TTC21B: variants seen among roughly 807,000 people sequenced by gnomAD.
TTC21B encodes tetratricopeptide repeat protein 21B.
A neutral mutation model predicts 175.1 loss-of-function variants in TTC21B; 127 were observed. That is an observed-to-expected ratio of 0.73 (90% confidence interval 0.63 to 0.84). TTC21B has a LOEUF of 0.84. Ranked by LOEUF, TTC21B falls within the 40% of genes least tolerant of loss-of-function variation. The pLI is 0.00. For missense variants in TTC21B, 1,561 were observed against 1,558.3 expected (o/e 1.00, Z -0.03); for synonymous variants, 524 against 524.5 (o/e 1.00, Z 0.01).
intron 19 of TTC21B, among the ~76,000 whole-genome samples, chr2:165,905,364 A>G (rs1203317055): frequency 6.6e-6 from 1 of 152,102 alleles, no homozygotes. Flanking sequence ...ATGTTAAAAA[A>G]ACTATAATAG....
intron 14 of TTC21B, among the ~76,000 whole-genome samples, chr2:165,916,067 A>G (rs1208222590): frequency 2.0e-5 from 3 of 152,156 alleles, no homozygotes; most frequent in Admixed American, 6.5e-5. Flanking sequence ...TGGATCACTT[A>G]AGCCCAGTAG....
chr2:165,914,698 T>TGTGTGTGTGTGTGTGTGTGTGTGTC (rs71031214), intron 15 of TTC21B, among the ~76,000 whole-genome samples: 1 of 132,376 alleles, frequency 7.6e-6, no homozygotes, highest in African/African-American at 3.1e-5. Context: ...TGTGTGTGTG[T>TGTGTGTGTGTGTGTGTGTGTGTGTC]TGTGTATCCC....
Position 165,883,909 on chromosome 2 carries a change from G to A in TTC21B, c.3569C>T (p.Ala1190Val). The change falls in exon 26 of 29, where the codon GCT becomes GTT. Residue 1190 changes from alanine to valine, a missense_variant. By Grantham distance (64) the Ala-to-Val change is moderately conservative. Transcript: ENST00000243344. ...CTTCTCAAACTCTTCAGCATCAATA[G>A]CATTCCAATTCATTTTCGCAATACG... ...LKRIAKMNWN[A>V]IDAEEFEKSW... 2 of 1,614,068 alleles carry A rather than the reference G, an allele frequency of 1.2e-6. No individual in the cohort carries two copies. The highest frequency in any genetic ancestry group is 1.7e-6 in the Non-Finnish European group (2 of 1,179,976).
In TTC21B at chr2:165,899,864, G is replaced by A. The variant is rs777028906; in HGVS notation, c.2774C>T (p.Ala925Val). The part of the protein sequence containing the change: ...ETDNKIMLEL[A>V]RLYLAQDDPD... ...GTCATCTTGTGCCAGGTATAATCGT[G>A]CCAGTTCCAACATAATCTGTAGAGC... The change falls in exon 21 of 29, where the codon GCA (alanine) becomes GTA (valine). Residue 925 changes from alanine (A) to valine (V), a missense_variant. Physicochemically the swap from Ala to Val is moderately conservative, Grantham distance 64. Transcript: ENST00000243344. The A allele has an allele frequency of 9.3e-6, 15 of 1,612,214 alleles. No individual in the cohort carries two copies. In the South Asian group the frequency reaches 1.5e-4, roughly 17 times the overall value.
At chr2:165,953,288 T>C (rs1034507927) in intron 1 of TTC21B, among the ~76,000 whole-genome samples, 4 of 152,230 alleles carry the variant, frequency 2.6e-5, no homozygotes, top group African/African-American at 7.2e-5. Context: ...GGGTTTCATA[T>C]AATCTTTCTG....
At chr2:165,940,102 T>C (rs191325038) in intron 6 of TTC21B, among the ~76,000 whole-genome samples, 9 of 152,302 alleles carry the variant, frequency 5.9e-5, no homozygotes, top group Admixed American at 1.3e-4. Context: ...CCAAAAACCT[T>C]GGAATCACCT....
At chr2:165,921,788 CTT>C (rs569807955) in intron 12 of TTC21B, among the ~76,000 whole-genome samples, 69 of 128,920 alleles carry the variant, frequency 5.4e-4, no homozygotes, top group Admixed American at 5.4e-4. Context: ...GCTGCTCTTC[CTT>C]TTTTTTTTTT....
At chr2:165,906,870 G>A (rs188250073) in intron 19 of TTC21B, among the ~76,000 whole-genome samples, 127 of 147,640 alleles carry the variant, frequency 8.6e-4, no homozygotes, top group African/African-American at 2.9e-3. Context: ...CAACAGAATC[G>A]CTTCAACCTG....
Position 165,873,695 on chromosome 2 carries a change from G to A in TTC21B, c.*1060C>T, listed in dbSNP as rs1217489369. 6.6e-6 allele frequency: 1 copy of A among 152,040 alleles called. No individual in the cohort carries two copies. The highest frequency in any genetic ancestry group is 2.4e-5 in the African/African-American group (1 of 41,404). The allele number at this position is 152,040 out of a possible 1,614,324, so 9.4% of individuals were successfully genotyped here. Reference sequence around the variant, plus strand: ...GGCTAAGGTTAAATATCCCTAATAAGGGACCTATTTAAATTGAGGTTTCAG... The same window carrying A: ...GGCTAAGGTTAAATATCCCTAATAAAGGACCTATTTAAATTGAGGTTTCAG... On this transcript the variant is annotated 3_prime_UTR_variant, in exon 29 of 29. Transcript: ENST00000243344.
intron 3 of TTC21B, chr2:165,949,135 A>T: frequency 2.1e-6 from 1 of 466,096 alleles, no homozygotes; most frequent in South Asian, 2.5e-5. Flanking sequence ...ACTAATATAC[A>T]TTCCCTTTTA....
chr2:165,877,117 G>T (rs900628201), intron 27 of TTC21B, among the ~76,000 whole-genome samples: 2 of 152,122 alleles, frequency 1.3e-5, no homozygotes, highest in Admixed American at 6.5e-5. Context: ...GACAAGAAAA[G>T]TAACAGCAGC....
chr2:165,880,856 G>C, intron 26 of TTC21B, 57 bp from the exon 27 acceptor site: 2 of 1,560,464 alleles, frequency 1.3e-6, no homozygotes, highest in Non-Finnish European at 1.8e-6. Context: ...AGATTTTATG[G>C]GATGTTTGTG....
At chr2:165,903,697 A>T (rs1001784338) in intron 19 of TTC21B, among the ~76,000 whole-genome samples, 4 of 152,244 alleles carry the variant, frequency 2.6e-5, no homozygotes, top group Admixed American at 6.5e-5. Context: ...CTAAGACTTG[A>T]GATTTCCCTA....
At chr2:165,915,553 T>G in intron 14 of TTC21B, 114 bp from the exon 15 acceptor site, 1 of 955,774 alleles carries the variant, frequency 1.0e-6, no homozygotes, top group Non-Finnish European at 1.6e-6. Flanking sequence ...TTATAATATT[T>G]ACGAAATAAA....
intron 28 of TTC21B, among the ~76,000 whole-genome samples, chr2:165,875,876 T>C (rs567860544): frequency 5.0e-4 from 76 of 152,082 alleles, no homozygotes; most frequent in Non-Finnish European, 7.8e-4. Flanking sequence ...CTCCTTTCCA[T>C]ACATGTAAAT....
intron 27 of TTC21B, among the ~76,000 whole-genome samples, chr2:165,877,142 A>G (rs1684690859): frequency 6.6e-6 from 1 of 152,238 alleles, no homozygotes; most frequent in African/African-American, 2.4e-5. Context: ...CACGCAGTAA[A>G]CAAGATATAA....
At chr2:165,919,802 T>C (rs1419783024) in intron 12 of TTC21B, among the ~76,000 whole-genome samples, 1 of 152,226 alleles carries the variant, frequency 6.6e-6, no homozygotes, top group East Asian at 1.9e-4. Flanking sequence ...AACATTTGAA[T>C]AGCTAGAATT....
intron 22 of TTC21B, among the ~76,000 whole-genome samples, chr2:165,897,374 A>G (rs2105299942): frequency 6.6e-6 from 1 of 152,290 alleles, no homozygotes; most frequent in South Asian, 2.1e-4. Context: ...TGAATGTAGC[A>G]CTAACAAGGA....
In TTC21B at chr2:165,912,526, A is replaced by G; in HGVS notation, c.2310T>C (p.His770=). The change falls in exon 17 of 29, where the codon CAT becomes CAC. Residue 770 remains histidine (H), a synonymous_variant. Coordinates refer to ENST00000243344, the MANE Select transcript of TTC21B (RefSeq NM_024753.5). ...ATAAAGTACTTACCATTGAGTAGTT[A>G]TGAGTTTTGATAAGTGCTTTGCCCA... ...SKMGKALIKT[H]NYSMAITYYE... is the part of the protein sequence containing the mutation. 6.2e-7 allele frequency: 1 copy of G among 1,613,024 alleles called. No homozygotes were observed.
Sources: gnomAD v4.1 joint callset for allele counts (sites outside exome capture counted in the v4.1 genomes callset) on GRCh38, gnomAD v4.1.1 for gene constraint, MANE v1.5 for transcripts, NCBI Gene and HGNC (gene_info 2026-07-23, HGNC 2026-07-21) for gene names.